Variants in SLC14A2 observed in about 807,000 individuals in gnomAD.
The protein encoded by SLC14A2 is urea transporter 2.
Under a neutral mutation model 104.6 loss-of-function variants are expected in SLC14A2, and 91 were observed. That is an observed-to-expected ratio of 0.87 (90% confidence interval 0.73 to 1.04). SLC14A2 has a LOEUF of 1.04. Ranked by LOEUF, SLC14A2 falls within the 50% of genes least tolerant of loss-of-function variation. The pLI is 0.00. For synonymous variants in SLC14A2, 476 were observed against 466.4 expected, an observed-to-expected ratio of 1.02 and a Z score of -0.27; for missense variants, 1,189 against 1,156.0, an observed-to-expected ratio of 1.03 and a Z score of -0.41.
intron 1 of SLC14A2, among the ~76,000 whole-genome samples, chr18:45,387,546 T>C (rs2144400678): frequency 6.6e-6 from 1 of 152,346 alleles, no homozygotes; most frequent in African/African-American, 2.4e-5. Flanking sequence ...TGATAGGATA[T>C]ATTAGTTCAC....
At chr18:45,415,199 T>G (rs1271982466) in intron 1 of SLC14A2, among the ~76,000 whole-genome samples, 12 of 152,066 alleles carry the variant, frequency 7.9e-5, no homozygotes, top group Non-Finnish European at 4.4e-5. Context: ...AGCCCCCAAG[T>G]CTTGTAGTTA....
chr18:45,588,436 C>A (rs1326907848), intron 2 of SLC14A2, among the ~76,000 whole-genome samples: 2 of 152,146 alleles, frequency 1.3e-5, no homozygotes, highest in African/African-American at 2.4e-5. Flanking sequence ...TGGCTGGAGG[C>A]ATTCTCCCTA....
intron 2 of SLC14A2, among the ~76,000 whole-genome samples, chr18:45,541,221 G>A (rs1260284776): frequency 2.6e-5 from 4 of 152,214 alleles, no homozygotes; most frequent in Non-Finnish European, 4.4e-5. Context: ...GTATGTGTGT[G>A]TGTGCACACG....
At chr18:45,444,068 C>A (rs1239488843) in intron 1 of SLC14A2, among the ~76,000 whole-genome samples, 1 of 152,166 alleles carries the variant, frequency 6.6e-6, no homozygotes, top group Non-Finnish European at 1.5e-5. Context: ...ATTACCAATG[C>A]TGCAAATTTG....
chr18:45,567,826 A>G (rs1162587213), intron 2 of SLC14A2, among the ~76,000 whole-genome samples: 1 of 152,220 alleles, frequency 6.6e-6, no homozygotes, highest in African/African-American at 2.4e-5. Context: ...AAACCTTTTT[A>G]ACAGGCAAGT....
chr18:45,261,024 T>C (rs1248437840), intron 1 of SLC14A2, among the ~76,000 whole-genome samples: 2 of 152,164 alleles, frequency 1.3e-5, no homozygotes, highest in African/African-American at 4.8e-5. Context: ...AATTTCTTTT[T>C]TTTTTTAATT....
intron 1 of SLC14A2, among the ~76,000 whole-genome samples, chr18:45,395,634 G>A (rs779510790): frequency 5.0e-4 from 76 of 152,012 alleles, no homozygotes; most frequent in Non-Finnish European, 8.5e-4. Context: ...TGAAAAAAAT[G>A]AGACTTAGAA....
chr18:45,681,461 C>T (rs12964854), intron 19 of SLC14A2, among the ~76,000 whole-genome samples: 46,303 of 152,068 alleles, frequency 0.3, 7,565 homozygotes, highest in Middle Eastern at 0.39. Flanking sequence ...TGTTAGCAAA[C>T]TATCCATTCA....
chr18:45,235,240 T>G (rs944588566), intron 1 of SLC14A2, among the ~76,000 whole-genome samples: 2 of 152,204 alleles, frequency 1.3e-5, no homozygotes, highest in Non-Finnish European at 2.9e-5. Context: ...ACACTCAGAT[T>G]CTAAACAGAT....
intron 1 of SLC14A2, among the ~76,000 whole-genome samples, chr18:45,296,379 C>T (rs1444218731): frequency 6.6e-6 from 1 of 152,184 alleles, no homozygotes; most frequent in African/African-American, 2.4e-5. Context: ...GCTTTTTATT[C>T]AGGGAGTAAG....
At chr18:45,536,884 G>A (rs1346758977) in intron 2 of SLC14A2, among the ~76,000 whole-genome samples, 1 of 152,174 alleles carries the variant, frequency 6.6e-6, no homozygotes, top group Non-Finnish European at 1.5e-5. Context: ...GGCCTGTCCT[G>A]AATGCTGGGT....
chr18:45,654,597 G>A (rs983108159), intron 10 of SLC14A2, among the ~76,000 whole-genome samples: 1 of 152,220 alleles, frequency 6.6e-6, no homozygotes, highest in Non-Finnish European at 1.5e-5. Context: ...CAGTCCTGGG[G>A]TGGGAACCTT....
chr18:45,178,404 CAT>C, the SLC14A2 span, among the ~76,000 whole-genome samples: 2 of 151,742 alleles, frequency 1.3e-5, no homozygotes, highest in Non-Finnish European at 1.5e-5. Context: ...TGCAAGAAAA[CAT>C]AGCAGAATAA....
intron 1 of SLC14A2, among the ~76,000 whole-genome samples, chr18:45,427,268 A>T (rs562502614): frequency 6.9e-6 from 1 of 144,368 alleles, no homozygotes; most frequent in African/African-American, 2.9e-5. Flanking sequence ...AAGAAAGGGA[A>T]AAAAAAAAGG....
At chr18:45,236,277 GTA>G (rs544021325) in intron 1 of SLC14A2, among the ~76,000 whole-genome samples, 1 of 44,654 alleles carries the variant, frequency 2.2e-5, no homozygotes, top group South Asian at 7.5e-4. Context: ...ATGTATGTGT[GTA>G]TATGTGTATA....
chr18:45,623,366 A>G (rs990183912), intron 1 of SLC14A2, among the ~76,000 whole-genome samples: 1 of 152,244 alleles, frequency 6.6e-6, no homozygotes, highest in Non-Finnish European at 1.5e-5. Context: ...GAAGCTGCTT[A>G]AAGTTACTGG....
chr18:45,358,956 G>T (rs956178853), intron 1 of SLC14A2, among the ~76,000 whole-genome samples: 4 of 152,186 alleles, frequency 2.6e-5, no homozygotes, highest in Non-Finnish European at 5.9e-5. Flanking sequence ...TTGAATATCA[G>T]ATCCAAACCT....
At chr18:45,380,459 A>T (rs2085822746) in intron 1 of SLC14A2, among the ~76,000 whole-genome samples, 1 of 152,196 alleles carries the variant, frequency 6.6e-6, no homozygotes, top group Non-Finnish European at 1.5e-5. Context: ...CTAAGGAAAT[A>T]AAGGTTTACT....
chr18:45,366,172 TGACC>T lies in SLC14A2; in HGVS notation c.-124-117060_-124-117057del, dbSNP rs1285743047. 4.6e-5 allele frequency among the ~76,000 whole-genome samples: 7 copies of T among 152,156 alleles called. No individual in the cohort carries two copies. In the East Asian group the frequency reaches 1.4e-3, roughly 29 times the overall value. On this transcript the variant is annotated intron_variant, in intron 1 of 20. Coordinates refer to the SLC14A2 transcript ENST00000586448. ...ACAGCTGCCTCCCTGGTCAGGTGCT[TGACC>T]CAAGCACCTTGACTTCCTCAGCGGA...
Sources: allele counts gnomAD v4.1 joint callset (sites outside exome capture counted in the v4.1 genomes callset), GRCh38; gene constraint gnomAD v4.1.1; transcripts MANE v1.5; gene names NCBI Gene and HGNC (gene_info 2026-07-23, HGNC 2026-07-21).